The following DMD variants were observed in gnomAD, a reference collection of about 807,000 sequenced individuals.
DMD encodes the protein mutant dystrophin.
In DMD, 63 loss-of-function variants were observed where a neutral mutation model predicts 330.1. The observed-to-expected ratio is 0.19, with a 90% confidence interval of 0.16 to 0.24. DMD has a LOEUF of 0.24. DMD is among the 10% of genes least tolerant of loss of function. DMD has a pLI of 1.00. For synonymous variants in DMD, 1,223 were observed against 959.8 expected (o/e 1.27, Z -5.07); for missense variants, 3,344 against 2,684.1 (o/e 1.25, Z -5.43).
At position 32,132,913 on chromosome X, in the gene DMD, T is replaced by G. The variant is rs1433070824; in HGVS notation, c.6438+84003A>C. ...TAAAAGGAGACCCAAAATGTAGGTT[T>G]TGAAAATAGAACGTCAGTTTTTGAG... On this transcript the variant is annotated intron_variant, in intron 44 of 78. Coordinates refer to ENST00000357033, the MANE Select transcript of DMD (RefSeq NM_004006.3). Among the ~76,000 whole-genome samples the G allele has an allele frequency of 1.8e-5, 2 of 110,189 alleles. 1 individual carries two copies. Among genetic ancestry groups the G allele is most frequent in the Non-Finnish European group, 3.8e-5 (2 of 52,964 alleles).
chrX:31,212,792 A>G (rs1037343906), intron 64 of DMD, among the ~76,000 whole-genome samples: 3 of 111,143 alleles, frequency 2.7e-5, no homozygotes, highest in Non-Finnish European at 5.7e-5. Flanking sequence ...TGTAAGGGGG[A>G]AAAGTGGGTG....
chrX:32,565,647 G>A (rs1603636531), intron 16 of DMD, 55 bp downstream of exon 16: 6 of 1,126,800 alleles, frequency 5.3e-6, no homozygotes, highest in Non-Finnish European at 6.1e-6. Context: ...CTCTCTTAAT[G>A]CAGGTTTAAA....
At chrX:32,085,708 G>GTA (rs1373846702) in intron 44 of DMD, among the ~76,000 whole-genome samples, 3 of 79,322 alleles carry the variant, frequency 3.8e-5, no homozygotes, top group African/African-American at 5.0e-5. Flanking sequence ...ATACACACGC[G>GTA]TATATATATA....
chrX:31,980,912 C>G (rs2095471792), intron 44 of DMD, among the ~76,000 whole-genome samples: 1 of 111,834 alleles, frequency 8.9e-6, no homozygotes, highest in Admixed American at 9.5e-5. Context: ...TTACACAATA[C>G]CTTAGCCATG....
chrX:31,833,332 G>GT (rs1569464654), intron 49 of DMD, among the ~76,000 whole-genome samples: 7 of 56,940 alleles, frequency 1.2e-4, no homozygotes, highest in East Asian at 6.2e-4. Context: ...GAGGGAGAGA[G>GT]GGAGAGAGTG....
At chrX:32,941,333 A>G (rs1039990335) in intron 2 of DMD, among the ~76,000 whole-genome samples, 1 of 112,133 alleles carries the variant, frequency 8.9e-6, no homozygotes, top group Admixed American at 9.5e-5. Flanking sequence ...TTGTTTTAAC[A>G]TAAAGACACA....
In DMD at chrX:31,657,823, A is replaced by G. The variant is rs952245395; in HGVS notation, c.8027+167T>C. 2.7e-5 allele frequency among the ~76,000 whole-genome samples: 3 copies of G among 111,608 alleles called. No homozygotes were observed. The East Asian group carries it at 8.4e-4, about 31-fold the overall frequency. On this transcript the variant is annotated intron_variant, in intron 54 of 78. Transcript: ENST00000357033. ...ATGAGATCTTATGTTCCTCGTTTTTAAAATAGAAGTCTGAGCCAAGTCCGT... is the reference window on the plus strand; with the variant it reads ...ATGAGATCTTATGTTCCTCGTTTTTGAAATAGAAGTCTGAGCCAAGTCCGT...
At chrX:31,382,214 T>G (rs1193550304) in intron 60 of DMD, among the ~76,000 whole-genome samples, 1 of 111,729 alleles carries the variant, frequency 9.0e-6, no homozygotes, top group African/African-American at 3.3e-5. Flanking sequence ...CTTTTACCAC[T>G]TGCCCTTCTC....
At chrX:31,141,467 C>T (rs1209874722) in intron 76 of DMD, among the ~76,000 whole-genome samples, 1 of 111,705 alleles carries the variant, frequency 9.0e-6, no homozygotes, top group Non-Finnish European at 1.9e-5. Context: ...GGGAGAGAGA[C>T]CAAAGGCAGA....
At chrX:32,708,283 A>C (rs2064866521) in intron 7 of DMD, among the ~76,000 whole-genome samples, 1 of 96,714 alleles carries the variant, frequency 1.0e-5, no homozygotes, top group African/African-American at 5.5e-5. Context: ...CAAAATGATC[A>C]GGTTTTTTTT....
At chrX:32,799,670 G>A (rs1009138828) in intron 7 of DMD, among the ~76,000 whole-genome samples, 5 of 106,190 alleles carry the variant, frequency 4.7e-5, no homozygotes, top group South Asian at 4.2e-4. Flanking sequence ...TGAAACCCAC[G>A]ACCAACGCAT....
chrX:31,397,726 A>T (rs1008695451), intron 60 of DMD, among the ~76,000 whole-genome samples: 1 of 112,502 alleles, frequency 8.9e-6, no homozygotes, highest in Non-Finnish European at 1.9e-5. Flanking sequence ...TAGGAAACAT[A>T]ATGCAAAATT....
At chrX:31,205,029 C>T (rs1281320007) in intron 66 of DMD, among the ~76,000 whole-genome samples, 1 of 112,085 alleles carries the variant, frequency 8.9e-6, no homozygotes, top group Non-Finnish European at 1.9e-5. Context: ...GGAACCATAT[C>T]TTGGTCAGTT....
At chrX:33,016,772 T>G (rs7883822) in intron 2 of DMD, among the ~76,000 whole-genome samples, 7,282 of 111,502 alleles carry the variant, frequency 0.065, 587 homozygotes, top group African/African-American at 0.22. Context: ...TTTTTTCCCA[T>G]AAAATTTTTT....
chrX:31,399,081 A>C (rs2061071927), intron 60 of DMD, among the ~76,000 whole-genome samples: 1 of 111,428 alleles, frequency 9.0e-6, no homozygotes, highest in Non-Finnish European at 1.9e-5. Context: ...TTAACAGCTC[A>C]GTGGAGGGTC....
At chrX:31,415,981 T>G (rs192569775) in intron 60 of DMD, among the ~76,000 whole-genome samples, 14 of 111,887 alleles carry the variant, frequency 1.3e-4, no homozygotes, top group African/African-American at 4.5e-4. Flanking sequence ...GGTTACCACA[T>G]CTCAAAGAAA....
chrX:32,303,476 A>G (rs1390659886), intron 42 of DMD, among the ~76,000 whole-genome samples: 1 of 111,308 alleles, frequency 9.0e-6, no homozygotes, highest in Non-Finnish European at 1.9e-5. Context: ...TACATGGGTT[A>G]TACATATACT....
At chrX:31,557,594 T>G (rs2074923359) in intron 55 of DMD, among the ~76,000 whole-genome samples, 1 of 112,325 alleles carries the variant, frequency 8.9e-6, no homozygotes, top group Non-Finnish European at 1.9e-5. Context: ...TAGCAATTAG[T>G]ACATTGTTTA....
At chrX:31,846,681 C>A (rs952015680) in intron 48 of DMD, among the ~76,000 whole-genome samples, 1 of 111,245 alleles carries the variant, frequency 9.0e-6, no homozygotes, top group Non-Finnish European at 1.9e-5. Context: ...CAGAAATAGT[C>A]AAAAATTTCA....
Sources: allele counts gnomAD v4.1 joint callset (sites outside exome capture counted in the v4.1 genomes callset), GRCh38; gene constraint gnomAD v4.1.1; transcripts MANE v1.5; gene names NCBI Gene and HGNC (gene_info 2026-07-23, HGNC 2026-07-21).